The following MUCL1 variants were observed in gnomAD, a reference collection of about 807,000 sequenced individuals.
MUCL1 encodes the protein mucin-like protein 1.
MUCL1 carries 11 observed loss-of-function variants against 9.2 expected under a neutral mutation model. The ratio of observed to expected loss-of-function variants is 1.19; its 90% CI spans 0.75 to 1.97. MUCL1 has a LOEUF of 1.97. Among genes scored for constraint, MUCL1 ranks in the 30% most tolerant of loss-of-function variants. The probability of loss-of-function intolerance (pLI) is 0.00; values close to 1 mark genes in which losing one functional copy is unlikely to be tolerated. For synonymous variants in MUCL1, 48 were observed against 40.5 expected, an observed-to-expected ratio of 1.19 and a Z score of -0.71; for missense variants, 144 against 110.9, an observed-to-expected ratio of 1.30 and a Z score of -1.34.
At chr12:54,836,166 T>G (rs888251526), upstream of MUCL1, among the ~76,000 whole-genome samples, 1 of 152,172 alleles carries the variant, frequency 6.6e-6, no homozygotes, top group African/African-American at 2.4e-5. Flanking sequence ...TGCTGTCAAT[T>G]TTTCTTTGAA....
At chr12:54,830,697 T>G (rs1399975566) in exon 1 of MUCL1, 1 of 152,336 alleles carries the variant, frequency 6.6e-6, no homozygotes, top group Non-Finnish European at 1.5e-5. Context: ...GCCAGGCTTT[T>G]CATTTCCCAC....
At chr12:54,839,508 G>A in intron 1 of MUCL1, 1 of 700,772 alleles carries the variant, frequency 1.4e-6, no homozygotes. Flanking sequence ...GGCAGCTGGG[G>A]GAGGTCTCAG....
At chr12:54,850,384 C>A (rs1049578787), upstream of MUCL1, among the ~76,000 whole-genome samples, 29 of 146,852 alleles carry the variant, frequency 2.0e-4, no homozygotes, top group African/African-American at 6.6e-4. Flanking sequence ...TGTTCAGTTG[C>A]CACCTATGAG....
intron 1 of MUCL1, among the ~76,000 whole-genome samples, chr12:54,848,915 A>G (rs1214650377): frequency 6.6e-6 from 1 of 152,212 alleles, no homozygotes; most frequent in Non-Finnish European, 1.5e-5. Flanking sequence ...AACATTTATC[A>G]AATAGAGACT....
At chr12:54,843,351 T>C (rs1362803563) in intron 1 of MUCL1, among the ~76,000 whole-genome samples, 1 of 152,232 alleles carries the variant, frequency 6.6e-6, no homozygotes, top group Non-Finnish European at 1.5e-5. Flanking sequence ...AATGTTTTTC[T>C]GCATCAGTTA....
chr12:54,835,580 T>C (rs1028326340), upstream of MUCL1, among the ~76,000 whole-genome samples: 1 of 148,706 alleles, frequency 6.7e-6, no homozygotes, highest in Non-Finnish European at 1.5e-5. Flanking sequence ...TCTATTCGTG[T>C]CACGTGTCCA....
chr12:54,848,526 A>AT (rs1340025055), intron 1 of MUCL1, among the ~76,000 whole-genome samples: 1 of 152,186 alleles, frequency 6.6e-6, no homozygotes, highest in Non-Finnish European at 1.5e-5. Flanking sequence ...AATGTATTAG[A>AT]TTGGAAAACT....
intron 2 of MUCL1, chr12:54,855,430 C>A (rs865784232): frequency 7.3e-6 from 3 of 409,960 alleles, no homozygotes; most frequent in Non-Finnish European, 1.4e-5. Context: ...GGCACAAGAG[C>A]ATGAGGTCTG....
chr12:54,834,799 G>A (rs987995266), upstream of MUCL1, among the ~76,000 whole-genome samples: 3 of 151,762 alleles, frequency 2.0e-5, no homozygotes, highest in Non-Finnish European at 4.4e-5. Flanking sequence ...TGGTTATATG[G>A]ATGAATTGTA....
chr12:54,853,497 T>C (rs1429750476), upstream of MUCL1, among the ~76,000 whole-genome samples: 8 of 152,230 alleles, frequency 5.3e-5, no homozygotes, highest in African/African-American at 1.7e-4. Flanking sequence ...TCCTTCAGAC[T>C]GACCATTTCC....
upstream of MUCL1, among the ~76,000 whole-genome samples, chr12:54,850,797 T>C (rs1959327915): frequency 6.6e-6 from 1 of 152,206 alleles, no homozygotes; most frequent in Non-Finnish European, 1.5e-5. Flanking sequence ...GTGTTCCTAT[T>C]TCTCCACATC....
intron 1 of MUCL1, among the ~76,000 whole-genome samples, chr12:54,842,066 T>C (rs1232818606): frequency 6.6e-6 from 1 of 152,110 alleles, no homozygotes; most frequent in Admixed American, 6.5e-5. Context: ...AAAAACAAAT[T>C]CCCTACAATT....
At chr12:54,841,364 T>G (rs965524390) in intron 1 of MUCL1, among the ~76,000 whole-genome samples, 2 of 152,182 alleles carry the variant, frequency 1.3e-5, no homozygotes, top group Non-Finnish European at 2.9e-5. Context: ...TATACATAGA[T>G]GTATTGCTGG....
chr12:54,834,400 CTT>C (rs1246848808), upstream of MUCL1, among the ~76,000 whole-genome samples: 2 of 152,048 alleles, frequency 1.3e-5, no homozygotes, highest in East Asian at 3.8e-4. Context: ...TGGTCTCTCT[CTT>C]CTTTTCATCG....
chr12:54,842,219 C>T (rs1404028288), intron 1 of MUCL1, among the ~76,000 whole-genome samples: 1 of 151,826 alleles, frequency 6.6e-6, no homozygotes, highest in Non-Finnish European at 1.5e-5. Context: ...GTATTTATTA[C>T]TATTTACTTG....
chr12:54,840,684 G>C (rs960535156), intron 1 of MUCL1, among the ~76,000 whole-genome samples: 1 of 152,168 alleles, frequency 6.6e-6, no homozygotes, highest in Non-Finnish European at 1.5e-5. Flanking sequence ...TCCATATGTG[G>C]GTATAAGCAG....
intron 3 of MUCL1, 142 bp from the exon 4 acceptor site, chr12:54,858,051 G>A (rs893434688): frequency 1.6e-4 from 161 of 1,000,298 alleles, no homozygotes; most frequent in Middle Eastern, 8.7e-4. Flanking sequence ...TTATCTTCCC[G>A]TAATAACAAT....
intron 1 of MUCL1, among the ~76,000 whole-genome samples, chr12:54,831,204 T>C (rs1783446274): frequency 6.6e-6 from 1 of 152,202 alleles, no homozygotes; most frequent in African/African-American, 2.4e-5. Context: ...GATATTTTTC[T>C]ACTCCCAAAT....
At chr12:54,843,089 T>G (rs1311730103) in intron 1 of MUCL1, among the ~76,000 whole-genome samples, 1 of 152,210 alleles carries the variant, frequency 6.6e-6, no homozygotes, top group Non-Finnish European at 1.5e-5. Flanking sequence ...TTATAACATC[T>G]ACGTTTGTGT....
Sources: gnomAD v4.1 joint callset for allele counts (sites outside exome capture counted in the v4.1 genomes callset) on GRCh38, gnomAD v4.1.1 for gene constraint, MANE v1.5 for transcripts, NCBI Gene and HGNC (gene_info 2026-07-23, HGNC 2026-07-21) for gene names.